TRHDE: variants seen among roughly 807,000 people sequenced by gnomAD.
TRHDE encodes thyrotropin-releasing hormone-degrading ectoenzyme.
In TRHDE, 72 loss-of-function variants were observed where a neutral mutation model predicts 125.7. The observed-to-expected ratio is 0.57, with a 90% CI of 0.47 to 0.70. The LOEUF is 0.70. TRHDE is among the 30% of genes least tolerant of loss of function. The pLI is 0.00. For synonymous variants in TRHDE, 509 were observed against 509.1 expected (o/e 1.00, Z 0.00); for missense variants, 1,110 against 1,327.1 (o/e 0.84, Z 2.54).
chr12:72,283,829 T>C (rs962571522), intron 1 of TRHDE, among the ~76,000 whole-genome samples: 9 of 152,064 alleles, frequency 5.9e-5, no homozygotes, highest in Non-Finnish European at 1.3e-4. Flanking sequence ...ACCTCTCTGT[T>C]GAACTGTTGT....
chr12:72,489,432 C>G (rs1877560497), intron 5 of TRHDE, among the ~76,000 whole-genome samples: 1 of 151,724 alleles, frequency 6.6e-6, no homozygotes, highest in Non-Finnish European at 1.5e-5. Context: ...AAGCAATGTA[C>G]AGATTCAACA....
intron 3 of TRHDE, among the ~76,000 whole-genome samples, chr12:72,446,368 C>G (rs775716595): frequency 2.0e-5 from 3 of 151,648 alleles, no homozygotes; most frequent in Non-Finnish European, 4.4e-5. Flanking sequence ...GCACTAAACA[C>G]GGAAAGGAAG....
chr12:72,121,255 C>G (rs1335114125), intron 2 of TRHDE, among the ~76,000 whole-genome samples: 7 of 152,158 alleles, frequency 4.6e-5, no homozygotes, highest in Non-Finnish European at 1.0e-4. Context: ...TTCCCACTGG[C>G]TCTGCTGGTG....
intron 4 of TRHDE, among the ~76,000 whole-genome samples, chr12:72,472,248 C>T (rs545738689): frequency 6.6e-6 from 1 of 152,228 alleles, no homozygotes; most frequent in East Asian, 1.9e-4. Flanking sequence ...GGAACATTAT[C>T]TAACTTTTCT....
intron 6 of TRHDE, among the ~76,000 whole-genome samples, chr12:72,501,959 G>A (rs1592494033): frequency 6.6e-6 from 1 of 151,978 alleles, no homozygotes; most frequent in Non-Finnish European, 1.5e-5. Context: ...TTGACATAAA[G>A]TTTTACAGGA....
chr12:72,644,205 A>G (rs1843954339), intron 15 of TRHDE, among the ~76,000 whole-genome samples: 1 of 152,204 alleles, frequency 6.6e-6, no homozygotes, highest in Non-Finnish European at 1.5e-5. Flanking sequence ...GATTCAGGAC[A>G]CACATTTATC....
At chr12:72,309,297 G>T (rs1326141213) in intron 2 of TRHDE, among the ~76,000 whole-genome samples, 1 of 152,290 alleles carries the variant, frequency 6.6e-6, no homozygotes, top group East Asian at 1.9e-4. Flanking sequence ...TTTGTGAAGA[G>T]AAAGTGTGAG....
At position 72,619,107 on chromosome 12, in the gene TRHDE, A is replaced by G. The variant is rs577580222; in HGVS notation, c.2469+69A>G. On this transcript the variant is annotated intron_variant, in intron 13 of 18. Transcript: ENST00000261180. ...TATTTTATTCTCTTTCTACTATTAT[A>G]TATGCAACTGATGCCAAGTTATTTT... 5.0e-6 allele frequency: 6 copies of G among 1,195,846 alleles called. No homozygotes were observed. The East Asian group carries it at 8.9e-5, about 18-fold the overall frequency. 74.1% of individuals were successfully genotyped at this position (1,195,846 alleles called of 1,614,324 possible).
chr12:72,310,373 G>A (rs1416077807), intron 2 of TRHDE, among the ~76,000 whole-genome samples: 4 of 152,218 alleles, frequency 2.6e-5, no homozygotes. Flanking sequence ...CTATGGGCAA[G>A]CCGTTCAACC....
chr12:72,295,093 G>A (rs1001768381), intron 2 of TRHDE, among the ~76,000 whole-genome samples: 6 of 148,646 alleles, frequency 4.0e-5, no homozygotes, highest in Non-Finnish European at 6.0e-5. Context: ...TTGGGTGACC[G>A]CAGCTGTGGT....
chr12:72,197,421 G>A (rs1193670397), intron 2 of TRHDE, among the ~76,000 whole-genome samples: 1 of 152,122 alleles, frequency 6.6e-6, no homozygotes, highest in East Asian at 1.9e-4. Flanking sequence ...CTTCATGAGA[G>A]CAAAGGATTT....
intron 3 of TRHDE, among the ~76,000 whole-genome samples, chr12:72,426,844 C>T (rs953688970): frequency 2.0e-5 from 3 of 151,942 alleles, no homozygotes; most frequent in African/African-American, 4.8e-5. Flanking sequence ...ACTGCTAATA[C>T]TCCATTTGTT....
intron 17 of TRHDE, among the ~76,000 whole-genome samples, chr12:72,656,126 T>C (rs1365602902): frequency 6.6e-6 from 1 of 152,124 alleles, no homozygotes; most frequent in Non-Finnish European, 1.5e-5. Flanking sequence ...GTGATAGGTA[T>C]CCTTAGCATA....
chr12:72,286,640 C>A (rs1280126387), intron 1 of TRHDE, 41 bp from the exon 2 acceptor site: 1 of 1,579,488 alleles, frequency 6.3e-7, no homozygotes, highest in Admixed American at 1.7e-5. Context: ...ACTTAACTCA[C>A]AACATAAATG....
chr12:72,448,474 A>T (rs1432613164), intron 3 of TRHDE, among the ~76,000 whole-genome samples: 1 of 152,086 alleles, frequency 6.6e-6, no homozygotes, highest in Non-Finnish European at 1.5e-5. Flanking sequence ...ATTTAGTATC[A>T]GTGTTAAGCA....
intron 2 of TRHDE, among the ~76,000 whole-genome samples, chr12:72,128,567 G>T (rs1323528845): frequency 6.6e-6 from 1 of 152,130 alleles, no homozygotes; most frequent in East Asian, 1.9e-4. Flanking sequence ...TCAAGTAGAG[G>T]TATAAATAAT....
intron 6 of TRHDE, among the ~76,000 whole-genome samples, chr12:72,513,976 T>G (rs1878716490): frequency 6.6e-6 from 1 of 152,004 alleles, no homozygotes; most frequent in South Asian, 2.1e-4. Context: ...AAAGAAAATT[T>G]CTCCTGAAAA....
chr12:72,663,417 A>G lies in TRHDE; in HGVS notation c.*222A>G. 2.7e-6 allele frequency: 1 copy of G among 366,090 alleles called. No homozygotes were observed. The highest frequency in any genetic ancestry group is 4.9e-6 in the Non-Finnish European group (1 of 204,234). 22.7% of individuals were successfully genotyped at this position (366,090 alleles called of 1,614,324 possible). On this transcript the variant is annotated 3_prime_UTR_variant, in exon 19 of 19. Transcript: ENST00000261180. ...TCTACTGGGTGTTCCTCTCTAAAGA[A>G]ACTCTTGCAAGTGAAACTAGCCATG...
intron 1 of TRHDE, among the ~76,000 whole-genome samples, chr12:72,279,665 C>A (rs1471794268): frequency 6.6e-6 from 1 of 152,128 alleles, no homozygotes; most frequent in Non-Finnish European, 1.5e-5. Context: ...GTGGTGGTGG[C>A]AGTGTGAGGG....
Sources: gnomAD v4.1 joint callset for allele counts (sites outside exome capture counted in the v4.1 genomes callset) on GRCh38, gnomAD v4.1.1 for gene constraint, MANE v1.5 for transcripts, NCBI Gene and HGNC (gene_info 2026-07-23, HGNC 2026-07-21) for gene names.